FAM227B: variants seen among roughly 807,000 people sequenced by gnomAD.
FAM227B encodes the protein protein FAM227B.
FAM227B carries 88 observed loss-of-function variants against 73.8 expected under a neutral mutation model. The ratio of observed to expected loss-of-function variants is 1.19; its 90% confidence interval spans 1.00 to 1.42. The LOEUF (loss-of-function observed/expected upper bound fraction) is 1.42, where lower values mean the gene tolerates loss of function less well. Among genes scored for constraint, FAM227B ranks in the 40% most tolerant of loss-of-function variants. FAM227B has a pLI of 0.00. For missense variants in FAM227B, 632 were observed against 590.9 expected (o/e 1.07, Z -0.72); for synonymous variants, 210 against 190.5 (o/e 1.10, Z -0.84).
At chr15:49,499,730 T>C (rs2057982924) in intron 11 of FAM227B, among the ~76,000 whole-genome samples, 1 of 152,184 alleles carries the variant, frequency 6.6e-6, no homozygotes, top group Non-Finnish European at 1.5e-5. Context: ...AACCAATATG[T>C]ATGGTCAATT....
Position 49,503,297 on chromosome 15 carries a change from C to T in FAM227B, c.1012+4914G>A, listed in dbSNP as rs568499674. Among the ~76,000 whole-genome samples, 66 of 152,216 alleles carry T rather than the reference C, an allele frequency of 4.3e-4. 2 individuals are homozygous for T. The East Asian group carries it at 5.6e-3, about 13-fold the overall frequency. The stretch of plus-strand genomic sequence containing the variant: ...ATTCAAGATGGATTAAAGACTTAAA[C>T]GTTAGACCTAAAACTATAAAAACCC... On this transcript the variant is annotated intron_variant, in intron 11 of 15. Coordinates refer to ENST00000299338, the MANE Select transcript of FAM227B (RefSeq NM_152647.3).
At chr15:49,619,551 C>G (rs1286359696) in intron 1 of FAM227B, among the ~76,000 whole-genome samples, 1 of 152,104 alleles carries the variant, frequency 6.6e-6, no homozygotes, top group African/African-American at 2.4e-5. Context: ...AATTGAGTTA[C>G]CAAAGAAAAG....
intron 12 of FAM227B, among the ~76,000 whole-genome samples, chr15:49,369,595 T>C (rs999802306): frequency 6.6e-6 from 1 of 152,164 alleles, no homozygotes; most frequent in African/African-American, 2.4e-5. Flanking sequence ...TAAACATTGA[T>C]TTTTGAGGCT....
At chr15:49,409,154 C>T (rs539005307) in intron 11 of FAM227B, among the ~76,000 whole-genome samples, 1 of 152,116 alleles carries the variant, frequency 6.6e-6, no homozygotes, top group South Asian at 2.1e-4. Context: ...TGCTTTCTTT[C>T]TTAGCAAGTT....
chr15:49,328,435 A>G lies in FAM227B; in HGVS notation c.*133T>C. On this transcript the variant is annotated 3_prime_UTR_variant, in exon 16 of 16. Transcript: ENST00000299338. ...TGAGATTTATTGATTTGAAGATTTT[A>G]AAGATGAATGGTAAAACACACTCTT... The G allele has an allele frequency of 6.9e-7, 1 of 1,450,110 alleles. No individual in the cohort carries two copies. The highest frequency in any genetic ancestry group is 9.1e-7 in the Non-Finnish European group (1 of 1,102,626). The allele number at this position is 1,450,110 out of a possible 1,614,324, so 89.8% of individuals were successfully genotyped here. A position where few individuals can be genotyped will look rare whatever the true frequency, so the allele number is the denominator to read the frequency against.
intron 9 of FAM227B, among the ~76,000 whole-genome samples, chr15:49,551,855 AAACT>A (rs142069046): frequency 0.015 from 2,302 of 152,324 alleles, 47 homozygotes; most frequent in African/African-American, 0.053. Context: ...TTCCATAAAC[AAACT>A]AATAAAAACT....
intron 13 of FAM227B, chr15:49,366,413 T>G (rs2045198051): frequency 3.6e-6 from 3 of 842,006 alleles, no homozygotes; most frequent in Non-Finnish European, 6.3e-6. Flanking sequence ...GCTGCCCCAT[T>G]GCACCACAAC....
intron 11 of FAM227B, chr15:49,424,678 G>A: frequency 1.0e-6 from 1 of 995,178 alleles, no homozygotes; most frequent in Non-Finnish European, 1.4e-6. Flanking sequence ...TTGCTTCTTG[G>A]AAAAAAAATT....
intron 3 of FAM227B, among the ~76,000 whole-genome samples, chr15:49,596,983 T>C (rs1364531887): frequency 6.6e-6 from 1 of 151,918 alleles, no homozygotes; most frequent in Non-Finnish European, 1.5e-5. Flanking sequence ...CAATTACTAC[T>C]ATACCTAAAA....
chr15:49,587,934 A>C (rs574364426), intron 5 of FAM227B, 82 bp downstream of exon 5: 1 of 1,213,832 alleles, frequency 8.2e-7, no homozygotes, highest in African/African-American at 1.6e-5. Flanking sequence ...AAGTGTTATT[A>C]GTGCTCATCT....
At chr15:49,590,920 C>T (rs2076485611) in intron 3 of FAM227B, among the ~76,000 whole-genome samples, 2 of 151,826 alleles carry the variant, frequency 1.3e-5, no homozygotes, top group African/African-American at 4.8e-5. Context: ...GCCACAGTTG[C>T]CTTTTTGTGC....
At chr15:49,416,070 C>T (rs1169061480) in intron 11 of FAM227B, among the ~76,000 whole-genome samples, 2 of 151,952 alleles carry the variant, frequency 1.3e-5, no homozygotes, top group African/African-American at 2.4e-5. Context: ...GGTTCATTCA[C>T]CTCTCACTAC....
At chr15:49,424,205 C>T in intron 11 of FAM227B, 1 of 1,121,158 alleles carries the variant, frequency 8.9e-7, no homozygotes, top group Non-Finnish European at 1.3e-6. Flanking sequence ...CTACAATTCA[C>T]AGATAGGAAG....
intron 5 of FAM227B, 148 bp downstream of exon 5, chr15:49,587,868 C>T (rs2152402132): frequency 3.1e-6 from 2 of 635,786 alleles, no homozygotes; most frequent in Admixed American, 5.0e-5. Context: ...GTAAGTGCAG[C>T]TATCTTTAAA....
At chr15:49,395,370 T>C (rs1036304297) in intron 11 of FAM227B, among the ~76,000 whole-genome samples, 1 of 152,172 alleles carries the variant, frequency 6.6e-6, no homozygotes, top group East Asian at 1.9e-4. Flanking sequence ...AAAGTAGAGA[T>C]ATTACAAAAA....
intron 9 of FAM227B, among the ~76,000 whole-genome samples, chr15:49,565,845 T>G (rs144765106): frequency 6.6e-6 from 1 of 152,058 alleles, no homozygotes; most frequent in East Asian, 1.9e-4. Flanking sequence ...TGAGGGAAAT[T>G]TGACTATAGA....
At chr15:49,590,728 CATT>C (rs961044969) in intron 3 of FAM227B, among the ~76,000 whole-genome samples, 6 of 152,254 alleles carry the variant, frequency 3.9e-5, no homozygotes, top group South Asian at 2.1e-4. Context: ...GTACACCATA[CATT>C]ATTATTAACT....
chr15:49,605,151 G>A (rs1439069591), intron 3 of FAM227B, among the ~76,000 whole-genome samples: 1 of 152,124 alleles, frequency 6.6e-6, no homozygotes, highest in Admixed American at 6.5e-5. Flanking sequence ...CTGGGGGCTG[G>A]CTTCAGCACA....
chr15:49,376,214 G>T lies in FAM227B; in HGVS notation c.1013-4815C>A, dbSNP rs148937200. Among the ~76,000 whole-genome samples, 2 of 151,960 alleles carry T rather than the reference G, an allele frequency of 1.3e-5. 1 individual carries two copies. The highest frequency in any genetic ancestry group is 2.9e-5 in the Non-Finnish European group (2 of 67,920). On this transcript the variant is annotated intron_variant, in intron 11 of 15. Transcript: ENST00000299338. Reference sequence around the variant, plus strand: ...AGACTCATTCCTAAATCAAGGTCACGAAGAGTTACTCCTGTTTTCTCTGAG... The same window carrying T: ...AGACTCATTCCTAAATCAAGGTCACTAAGAGTTACTCCTGTTTTCTCTGAG...
Sources: gnomAD v4.1 joint callset for allele counts (sites outside exome capture counted in the v4.1 genomes callset) on GRCh38, gnomAD v4.1.1 for gene constraint, MANE v1.5 for transcripts, NCBI Gene and HGNC (gene_info 2026-07-23, HGNC 2026-07-21) for gene names.